Variants in USP10 observed in about 807,000 individuals in gnomAD.
USP10 encodes ubiquitin carboxyl-terminal hydrolase 10.
A neutral mutation model predicts 84.5 loss-of-function variants in USP10; 22 were observed. The observed-to-expected ratio is 0.26, with a 90% confidence interval of 0.19 to 0.37. The LOEUF is 0.37. USP10 is among the 10% of genes least tolerant of loss of function. The pLI is 1.00. For synonymous variants in USP10, 454 were observed against 387.6 expected, an observed-to-expected ratio of 1.17 and a Z score of -2.01; for missense variants, 1,019 against 998.9, an observed-to-expected ratio of 1.02 and a Z score of -0.27.
chr16:84,714,935 ATTT>A (rs148741686), intron 1 of USP10, among the ~76,000 whole-genome samples: 1 of 138,672 alleles, frequency 7.2e-6, no homozygotes, highest in African/African-American at 2.7e-5. Context: ...TATTATTATT[ATTT>A]TTTTTTTTTG....
intron 8 of USP10, among the ~76,000 whole-genome samples, chr16:84,761,707 A>T (rs1416807221): frequency 6.6e-6 from 1 of 152,262 alleles, no homozygotes; most frequent in African/African-American, 2.4e-5. Context: ...AACAAAAGCA[A>T]AGTGTTCAGC....
chr16:84,768,645 A>G (rs1273527608), intron 11 of USP10, among the ~76,000 whole-genome samples: 11 of 152,174 alleles, frequency 7.2e-5, no homozygotes. Context: ...ATATCACAAC[A>G]TCAATACTAC....
chr16:84,718,873 A>C (rs1194065696), intron 1 of USP10, among the ~76,000 whole-genome samples: 1 of 148,236 alleles, frequency 6.7e-6, no homozygotes, highest in Non-Finnish European at 1.5e-5. Context: ...GCTCACTGCA[A>C]CCTCCACCTC....
chr16:84,754,126 G>T (rs988511626), intron 4 of USP10, among the ~76,000 whole-genome samples: 1 of 152,200 alleles, frequency 6.6e-6, no homozygotes, highest in African/African-American at 2.4e-5. Flanking sequence ...GAGGCACACA[G>T]CACTAATATC....
intron 2 of USP10, among the ~76,000 whole-genome samples, chr16:84,738,048 G>T (rs188652642): frequency 2.0e-5 from 3 of 152,252 alleles, no homozygotes; most frequent in Non-Finnish European, 4.4e-5. Context: ...GAATGTTGAG[G>T]AAGGGGACAG....
intron 1 of USP10, among the ~76,000 whole-genome samples, chr16:84,715,150 G>A (rs768331697): frequency 4.4e-4 from 67 of 152,034 alleles, no homozygotes; most frequent in Non-Finnish European, 7.8e-4. Context: ...GTCTGGTCTC[G>A]ACCTCCTGAC....
intron 1 of USP10, among the ~76,000 whole-genome samples, chr16:84,715,271 G>A (rs1246723218): frequency 6.6e-6 from 1 of 152,120 alleles, no homozygotes; most frequent in African/African-American, 2.4e-5. Context: ...TTTGGTGAAG[G>A]CCAACTATTT....
chr16:84,719,038 C>A (rs753866479), intron 1 of USP10, among the ~76,000 whole-genome samples: 1 of 151,980 alleles, frequency 6.6e-6, no homozygotes, highest in African/African-American at 2.4e-5. Flanking sequence ...ATGATCCACC[C>A]GTCTCGGCCT....
At chr16:84,743,790 G>T (rs1231042778) in intron 3 of USP10, among the ~76,000 whole-genome samples, 2 of 152,218 alleles carry the variant, frequency 1.3e-5, no homozygotes, top group Non-Finnish European at 2.9e-5. Context: ...TATGTGGATT[G>T]TGGTTAACTG....
intron 10 of USP10, among the ~76,000 whole-genome samples, chr16:84,765,461 T>C (rs919784780): frequency 9.4e-5 from 14 of 148,910 alleles, no homozygotes; most frequent in African/African-American, 3.5e-4. Flanking sequence ...CTTTTCCCTA[T>C]CTCTGTAGTT....
chr16:84,772,554 G>A lies in USP10; in HGVS notation c.2012G>A (p.Arg671Gln). ...TTTGTGTCTTAGGTTGAGATAAGTCGAAGAGTGACTCTGGAAAAACTCCCT... is the reference window on the plus strand; with the variant it reads ...TTTGTGTCTTAGGTTGAGATAAGTCAAAGAGTGACTCTGGAAAAACTCCCT... ...TKTKQEVEIS[R>Q]RVTLEKLPPV... The change falls in exon 12 of 14, where the codon CGA becomes CAA. Residue 671 changes from arginine to glutamine, a missense_variant. Coordinates refer to ENST00000219473, the MANE Select transcript of USP10 (RefSeq NM_005153.3). The A allele has an allele frequency of 6.2e-7, 1 of 1,613,804 alleles. No homozygotes were observed. The highest frequency in any genetic ancestry group is 8.5e-7 in the Non-Finnish European group (1 of 1,179,796).
intron 1 of USP10, among the ~76,000 whole-genome samples, chr16:84,723,164 T>C (rs897938140): frequency 1.3e-5 from 2 of 151,554 alleles, no homozygotes; most frequent in Non-Finnish European, 2.9e-5. Context: ...TTTTTTGGCC[T>C]TTTTTCCCCC....
At chr16:84,766,880 T>G (rs1005064336) in intron 10 of USP10, among the ~76,000 whole-genome samples, 2 of 152,188 alleles carry the variant, frequency 1.3e-5, no homozygotes, top group Non-Finnish European at 2.9e-5. Flanking sequence ...TCACACCAAT[T>G]GAAAGATTTA....
At chr16:84,702,309 G>A (rs1306490316) in intron 1 of USP10, among the ~76,000 whole-genome samples, 3 of 151,798 alleles carry the variant, frequency 2.0e-5, no homozygotes, top group Admixed American at 2.0e-4. Context: ...CACCCGCCTC[G>A]GCCTCTCAAA....
intron 1 of USP10, among the ~76,000 whole-genome samples, chr16:84,708,290 A>T (rs571153257): frequency 6.6e-6 from 1 of 152,224 alleles, no homozygotes; most frequent in East Asian, 1.9e-4. Context: ...TCTCTGCTAA[A>T]AATACAAAAA....
intron 4 of USP10, among the ~76,000 whole-genome samples, chr16:84,752,107 C>T (rs563492433): frequency 6.6e-6 from 1 of 152,098 alleles, no homozygotes; most frequent in South Asian, 2.1e-4. Context: ...TCAGTTCAGC[C>T]TTTTCATGTG....
chr16:84,727,702 A>G lies in USP10; in HGVS notation c.22-5733A>G, dbSNP rs9938879. Among the ~76,000 whole-genome samples the G allele has an allele frequency of 9.3e-3, 1,415 of 152,344 alleles. 20 individuals are homozygous for G. Among genetic ancestry groups the G allele is most frequent in the African/African-American group, 0.032 (1,342 of 41,582 alleles). On this transcript the variant is annotated intron_variant, in intron 1 of 13. Transcript: ENST00000219473. ...CACAGACATGGGCTAACAAATGCAA[A>G]TATACAGACATACAATATTTTTCCA...
chr16:84,744,610 C>T, intron 3 of USP10, 23 bp from the exon 4 acceptor site: 3 of 1,567,424 alleles, frequency 1.9e-6, no homozygotes, highest in Non-Finnish European at 2.6e-6. Context: ...GGGTTCTTAA[C>T]TAATAGTTTT....
chr16:84,758,676 A>G lies in USP10; in HGVS notation c.1193-40A>G, dbSNP rs376754729. 67 of 1,357,186 alleles carry G rather than the reference A, an allele frequency of 4.9e-5. No individual in the cohort carries two copies. In the African/African-American group the frequency reaches 8.0e-4, roughly 16 times the overall value. 84.1% of individuals were successfully genotyped at this position (1,357,186 alleles called of 1,614,324 possible). A position where few individuals can be genotyped will look rare whatever the true frequency, so the allele number is the denominator to read the frequency against. ...AAATGATTTGAATGTTCTTCACTAG[A>G]TGTCATCAATTTCTGAAATATGCTT... On this transcript the variant is annotated intron_variant, in intron 4 of 13. Transcript: ENST00000219473.
Sources: allele counts gnomAD v4.1 joint callset (sites outside exome capture counted in the v4.1 genomes callset), GRCh38; gene constraint gnomAD v4.1.1; transcripts MANE v1.5; gene names NCBI Gene and HGNC (gene_info 2026-07-23, HGNC 2026-07-21).